Variants in C19orf38 observed in about 807,000 individuals in gnomAD.
C19orf38 encodes the protein chromosome 19 open reading frame 38.
C19orf38 carries 14 observed loss-of-function variants against 26.6 expected under a neutral mutation model. The observed-to-expected ratio is 0.53, with a 90% CI of 0.35 to 0.82. The LOEUF (loss-of-function observed/expected upper bound fraction) is 0.82, where lower values mean the gene tolerates loss of function less well. Among genes scored for constraint, C19orf38 ranks in the 40% least tolerant of loss-of-function variants. The pLI is 0.01. For synonymous variants in C19orf38, 132 were observed against 128.5 expected, an observed-to-expected ratio of 1.03 and a Z score of -0.18; for missense variants, 261 against 299.5, an observed-to-expected ratio of 0.87 and a Z score of 0.95.
chr19:10,852,766 C>G (rs1312595430), intron 2 of C19orf38, among the ~76,000 whole-genome samples: 1 of 152,020 alleles, frequency 6.6e-6, no homozygotes, highest in Non-Finnish European at 1.5e-5. Context: ...TCTTGTAGAC[C>G]ACAGCAAGGA....
chr19:10,837,570 G>T (rs1209649599), intron 1 of C19orf38, among the ~76,000 whole-genome samples: 1 of 132,292 alleles, frequency 7.6e-6, no homozygotes, highest in Non-Finnish European at 1.6e-5. Flanking sequence ...GCAGTGGCGC[G>T]ATCTCGACTC....
intron 2 of C19orf38, among the ~76,000 whole-genome samples, chr19:10,852,778 T>C (rs2073585907): frequency 6.6e-6 from 1 of 152,002 alleles, no homozygotes; most frequent in African/African-American, 2.4e-5. Context: ...CAGCAAGGAT[T>C]CGATCTTTTC....
At chr19:10,841,867 T>C in intron 1 of C19orf38, 3 of 1,519,684 alleles carry the variant, frequency 2.0e-6, no homozygotes. Context: ...CCTGAGGGAA[T>C]GGGAGGATCT....
At chr19:10,860,579 C>T (rs1445041397) in intron 5 of C19orf38, among the ~76,000 whole-genome samples, 6 of 145,326 alleles carry the variant, frequency 4.1e-5, no homozygotes, top group East Asian at 2.1e-4. Context: ...TGGTGGCTCA[C>T]GCCTGTAATC....
upstream of C19orf38, chr19:10,848,291 G>A (rs997357086): frequency 2.8e-5 from 15 of 536,894 alleles, no homozygotes; most frequent in Admixed American, 4.1e-4. Flanking sequence ...CCAGAGAGGT[G>A]CGCGGGTCTG....
At chr19:10,860,000 A>G in intron 5 of C19orf38, 42 bp downstream of exon 5, 1 of 1,525,402 alleles carries the variant, frequency 6.6e-7, no homozygotes, top group African/African-American at 1.4e-5. Context: ...GGAAAGGATT[A>G]CACCTCCAAA....
intron 1 of C19orf38, chr19:10,842,083 C>T (rs1208270006): frequency 1.3e-6 from 2 of 1,592,766 alleles, no homozygotes; most frequent in African/African-American, 1.3e-5. Context: ...GACAGTATGG[C>T]TCAGCAGACT....
chr19:10,861,519 GC>G (rs1376094749), intron 5 of C19orf38, among the ~76,000 whole-genome samples: 2 of 152,162 alleles, frequency 1.3e-5, no homozygotes, highest in Non-Finnish European at 2.9e-5. Context: ...ATGGGAAACA[GC>G]CCGTGATGGC....
chr19:10,858,048 G>T (rs1025091809), intron 3 of C19orf38, among the ~76,000 whole-genome samples: 5 of 151,576 alleles, frequency 3.3e-5, no homozygotes, highest in African/African-American at 1.2e-4. Flanking sequence ...TGGCCAACAT[G>T]ACGAACCCTC....
At chr19:10,865,227 A>G (rs541709663) in intron 6 of C19orf38, among the ~76,000 whole-genome samples, 7 of 151,762 alleles carry the variant, frequency 4.6e-5, no homozygotes, top group African/African-American at 1.7e-4. Flanking sequence ...TCTCACTGCA[A>G]CCTCCACCTC....
At chr19:10,854,132 G>A (rs1231582166) in intron 2 of C19orf38, among the ~76,000 whole-genome samples, 1 of 150,800 alleles carries the variant, frequency 6.6e-6, no homozygotes, top group Non-Finnish European at 1.5e-5. Flanking sequence ...GCCCAATCTC[G>A]GCTCACTGCA....
rs530349055 is a variant in C19orf38 at position 10,853,047 on chromosome 19, C to CA, written c.340+2495dup. Among the ~76,000 whole-genome samples the CA allele has an allele frequency of 9.2e-3, 779 of 84,436 alleles. 7 individuals are homozygous for CA. Among genetic ancestry groups the CA allele is most frequent in the South Asian group, 0.071 (213 of 2,980 alleles). The allele number at this position is 84,436 out of a possible 152,430, so 55.4% of individuals were successfully genotyped here. ...GCAACATAGTGAGACCCTGTCTCTA[C>CA]AAAAAAAAAAAAAAATTATTTTATT... is the stretch of plus-strand genomic sequence containing the variant. On this transcript the variant is annotated intron_variant, in intron 2 of 6. Coordinates refer to ENST00000397820, the MANE Select transcript of C19orf38 (RefSeq NM_001136482.3).
intron 1 of C19orf38, among the ~76,000 whole-genome samples, chr19:10,837,397 C>T (rs942638127): frequency 6.6e-6 from 1 of 151,268 alleles, no homozygotes; most frequent in Non-Finnish European, 1.5e-5. Context: ...CCTTTTCACT[C>T]CAACTTTTTC....
chr19:10,850,184 C>T, intron 1 of C19orf38, 75 bp from the exon 2 acceptor site: 1 of 1,390,294 alleles, frequency 7.2e-7, no homozygotes, highest in Non-Finnish European at 9.6e-7. Context: ...GGGTGGTCTA[C>T]TTGCCCGAGG....
chr19:10,863,421 A>AC (rs2073722868), intron 6 of C19orf38, among the ~76,000 whole-genome samples: 1 of 152,126 alleles, frequency 6.6e-6, no homozygotes, highest in South Asian at 2.1e-4. Flanking sequence ...GAAGGTGGTG[A>AC]CGTCAGGCTG....
intron 6 of C19orf38, among the ~76,000 whole-genome samples, chr19:10,863,986 C>T (rs376365565): frequency 6.6e-6 from 1 of 152,080 alleles, no homozygotes; most frequent in African/African-American, 2.4e-5. Context: ...TGCAGAGAGT[C>T]CCATAGACCC....
At chr19:10,869,131 CAG>C in intron 6 of C19orf38, 85 bp from the exon 7 acceptor site, 1 of 1,498,906 alleles carries the variant, frequency 6.7e-7, no homozygotes, top group Non-Finnish European at 9.1e-7. Flanking sequence ...GCTGGGCTGG[CAG>C]AGTCTCAGGC....
upstream of C19orf38, among the ~76,000 whole-genome samples, chr19:10,846,150 G>A (rs1196905213): frequency 6.6e-6 from 1 of 151,462 alleles, no homozygotes; most frequent in Admixed American, 6.6e-5. Flanking sequence ...CTGCTTCACT[G>A]TAGCCTGAGC....
chr19:10,847,581 C>T (rs775801515), upstream of C19orf38, among the ~76,000 whole-genome samples: 6 of 151,284 alleles, frequency 4.0e-5, no homozygotes, highest in Non-Finnish European at 7.4e-5. Context: ...CCACGTTGGC[C>T]TGGTCTCGAA....
Sources: allele counts gnomAD v4.1 joint callset (sites outside exome capture counted in the v4.1 genomes callset), GRCh38; gene constraint gnomAD v4.1.1; transcripts MANE v1.5; gene names NCBI Gene and HGNC (gene_info 2026-07-23, HGNC 2026-07-21).